Variants in SATB2 observed in about 807,000 individuals in gnomAD.
SATB2 encodes DNA-binding protein SATB2.
A neutral mutation model predicts 73.4 loss-of-function variants in SATB2; 1 was observed. The observed-to-expected ratio is 0.01, with a 90% confidence interval of 0.00 to 0.06. SATB2 has a LOEUF of 0.06. Among genes scored for constraint, SATB2 ranks in the 10% least tolerant of loss-of-function variants. The pLI, the probability that SATB2 is intolerant of heterozygous loss-of-function variation, is 1.00. For synonymous variants in SATB2, 397 were observed against 367.0 expected, an observed-to-expected ratio of 1.08 and a Z score of -0.93; for missense variants, 459 against 945.8, an observed-to-expected ratio of 0.49 and a Z score of 6.75.
In SATB2 at chr2:199,340,336, G is replaced by A. The variant is rs187587400; in HGVS notation, c.1173+8365C>T. ...TTTTTAAAATCCTGTTCTCTATCAC[G>A]TAAGACCAGGATGCACAGCTTTCCC... On this transcript the variant is annotated intron_variant, in intron 7 of 10. Transcript: ENST00000417098. 1.8e-4 allele frequency among the ~76,000 whole-genome samples: 27 copies of A among 152,270 alleles called. No individual in the cohort carries two copies. In the East Asian group the frequency reaches 5.0e-3, roughly 28 times the overall value.
At chr2:199,363,758 AATTT>A (rs2105843927) in intron 6 of SATB2, among the ~76,000 whole-genome samples, 1 of 152,316 alleles carries the variant, frequency 6.6e-6, no homozygotes, top group East Asian at 1.9e-4. Flanking sequence ...AAACAGCTAT[AATTT>A]GTCAGTATAA....
chr2:199,288,704 C>T (rs1369360770), intron 10 of SATB2, among the ~76,000 whole-genome samples: 2 of 151,960 alleles, frequency 1.3e-5, no homozygotes, highest in Non-Finnish European at 2.9e-5. Context: ...CATAAAAGTA[C>T]AAATATTCCT....
At position 199,349,012 on chromosome 2, in the gene SATB2, C is replaced by T. The variant is rs142825652; in HGVS notation, c.862G>A (p.Ala288Thr). Reference protein sequence around the residue: ...HSTPIRNQVPALQPIMSPGLL... With the variant: ...HSTPIRNQVPTLQPIMSPGLL... ...CCAGGGCTCATGATGGGCTGTAATG[C>T]GGGCACTTGGTTTCGGATTGGAGTA... Residue 288 changes from alanine to threonine, a missense_variant, in exon 7 of 11, where the codon GCA becomes ACA. Physicochemically the swap from Ala to Thr is moderately conservative, Grantham distance 58 (BLOSUM62 0). This residue lies in a region of SATB2 where 77 missense variants were observed against 90.4 expected (regional missense o/e 0.85). Coordinates refer to ENST00000417098, the MANE Select transcript of SATB2 (RefSeq NM_001172509.2). 4.5e-5 allele frequency: 72 copies of T among 1,614,078 alleles called. No individual in the cohort carries two copies. Among genetic ancestry groups the T allele is most frequent in the African/African-American group, 4.1e-4 (31 of 75,024 alleles).
intron 10 of SATB2, among the ~76,000 whole-genome samples, chr2:199,287,256 TAATAG>T (rs1356384296): frequency 6.6e-6 from 1 of 152,198 alleles, no homozygotes; most frequent in Non-Finnish European, 1.5e-5. Context: ...AAGCTTAAAA[TAATAG>T]AATAGAGACC....
intron 8 of SATB2, 90 bp downstream of exon 8, chr2:199,328,608 C>G (rs950074475): frequency 1.7e-5 from 16 of 922,126 alleles, no homozygotes; most frequent in Non-Finnish European, 2.7e-5. Flanking sequence ...TGAATTATGT[C>G]TCTCAATGTT....
intron 10 of SATB2, among the ~76,000 whole-genome samples, chr2:199,295,785 G>C (rs924050689): frequency 1.2e-4 from 19 of 152,050 alleles, no homozygotes; most frequent in Admixed American, 3.3e-4. Context: ...TATATGATTT[G>C]CAGTGAATTT....
intron 3 of SATB2, among the ~76,000 whole-genome samples, chr2:199,401,193 T>C (rs1574591956): frequency 6.6e-6 from 1 of 152,194 alleles, no homozygotes; most frequent in East Asian, 1.9e-4. Flanking sequence ...AACTTAGGTC[T>C]ACTTAGTCTC....
chr2:199,294,104 T>C (rs572365203), intron 10 of SATB2, among the ~76,000 whole-genome samples: 1 of 152,286 alleles, frequency 6.6e-6, no homozygotes, highest in South Asian at 2.1e-4. Flanking sequence ...CGACTAATCT[T>C]TGAAATGCTG....
chr2:199,307,114 A>G (rs2105766183), intron 10 of SATB2, among the ~76,000 whole-genome samples: 1 of 152,164 alleles, frequency 6.6e-6, no homozygotes, highest in African/African-American at 2.4e-5. Context: ...AAAAAAAAGC[A>G]GTGGAGATGC....
intron 5 of SATB2, among the ~76,000 whole-genome samples, chr2:199,373,456 G>C (rs913999774): frequency 6.6e-6 from 1 of 152,042 alleles, no homozygotes; most frequent in East Asian, 1.9e-4. Flanking sequence ...CATCAGAATT[G>C]AAAACTGCTG....
intron 2 of SATB2, among the ~76,000 whole-genome samples, chr2:199,436,618 T>C (rs1414272864): frequency 6.6e-6 from 1 of 152,126 alleles, no homozygotes; most frequent in East Asian, 1.9e-4. Context: ...TAAACAATTA[T>C]GGTTTTTATA....
intron 3 of SATB2, among the ~76,000 whole-genome samples, chr2:199,407,280 T>C (rs1276723710): frequency 4.4e-5 from 6 of 137,166 alleles, no homozygotes; most frequent in Non-Finnish European, 7.7e-5. Flanking sequence ...AGCAAGACTC[T>C]TGTCTCCCAA....
chr2:199,321,336 T>G (rs1687880803), intron 9 of SATB2, among the ~76,000 whole-genome samples: 1 of 151,664 alleles, frequency 6.6e-6, no homozygotes, highest in African/African-American at 2.4e-5. Context: ...CATATATGTA[T>G]GTACATATGT....
chr2:199,280,857 A>G (rs1022233051), intron 10 of SATB2, among the ~76,000 whole-genome samples: 3 of 152,018 alleles, frequency 2.0e-5, no homozygotes, highest in Admixed American at 2.0e-4. Flanking sequence ...TTACCTTGTG[A>G]TATCTTATTA....
chr2:199,390,006 A>G (rs1297090421), intron 3 of SATB2, among the ~76,000 whole-genome samples: 1 of 152,144 alleles, frequency 6.6e-6, no homozygotes, highest in Non-Finnish European at 1.5e-5. Flanking sequence ...CATTTGGGAA[A>G]TGTTATGTTA....
chr2:199,421,604 A>G (rs948279439), intron 3 of SATB2, among the ~76,000 whole-genome samples: 2 of 152,242 alleles, frequency 1.3e-5, no homozygotes, highest in Non-Finnish European at 2.9e-5. Context: ...TCGTGAAACT[A>G]GTAAGCAGTC....
chr2:199,416,639 A>T (rs981607512), intron 3 of SATB2, among the ~76,000 whole-genome samples: 1 of 152,218 alleles, frequency 6.6e-6, no homozygotes, highest in Non-Finnish European at 1.5e-5. Flanking sequence ...GAAAAAGTCA[A>T]TAAATCAGAA....
chr2:199,367,120 T>C (rs1000065357), intron 6 of SATB2, among the ~76,000 whole-genome samples: 15 of 152,174 alleles, frequency 9.9e-5, no homozygotes, highest in African/African-American at 1.9e-4. Context: ...GAAGAGGATA[T>C]GTCAAAGTAC....
At position 199,308,648 on chromosome 2, in the gene SATB2, T is replaced by G; in HGVS notation, c.1740+112A>C. Reference sequence around the variant, plus strand: ...GTCTTCTGTACTTGGGGACCTGGCATGAGACACCCTCTGACAGAAGTTGGT... The same window carrying G: ...GTCTTCTGTACTTGGGGACCTGGCAGGAGACACCCTCTGACAGAAGTTGGT... On this transcript the variant is annotated intron_variant, in intron 10 of 10. Transcript: ENST00000417098. This position sits in a 1 kb window ranked among gnomAD's most constrained non-coding sequence, Gnocchi z 4.6. 1.7e-4 allele frequency: 144 copies of G among 862,064 alleles called. No homozygotes were observed. The highest frequency in any genetic ancestry group is 3.2e-4 in the Middle Eastern group (1 of 3,120). 53.4% of individuals were successfully genotyped at this position (862,064 alleles called of 1,614,324 possible). A position where few individuals can be genotyped will look rare whatever the true frequency, so the allele number is the denominator to read the frequency against.
Sources: allele counts gnomAD v4.1 joint callset (sites outside exome capture counted in the v4.1 genomes callset), GRCh38; gene constraint gnomAD v4.1.1; regional missense constraint gnomAD v4.1.1; non-coding constraint Gnocchi (gnomAD v3.1); transcripts MANE v1.5; gene names NCBI Gene and HGNC (gene_info 2026-07-23, HGNC 2026-07-21).